Variants in TMEM131L observed in about 807,000 individuals in gnomAD.
TMEM131L encodes transmembrane protein 131-like.
In TMEM131L, 54 loss-of-function variants were observed where a neutral mutation model predicts 192.2. That is an observed-to-expected ratio of 0.28 (90% CI 0.23 to 0.35). The LOEUF (loss-of-function observed/expected upper bound fraction) is 0.35. TMEM131L is among the 10% of genes least tolerant of loss of function. TMEM131L has a pLI of 1.00. For synonymous variants in TMEM131L, 701 were observed against 704.9 expected, an observed-to-expected ratio of 0.99 and a Z score of 0.09; for missense variants, 1,888 against 1,972.9, an observed-to-expected ratio of 0.96 and a Z score of 0.82.
intron 27 of TMEM131L, 33 bp from the exon 28 acceptor site, chr4:153,621,650 A>T (rs1181449419): frequency 6.2e-6 from 10 of 1,608,204 alleles, no homozygotes; most frequent in Non-Finnish European, 7.7e-6. Context: ...TAAAATACAG[A>T]TGTGTTTTTT....
At chr4:153,547,107 C>T (rs887081007) in intron 3 of TMEM131L, among the ~76,000 whole-genome samples, 2 of 151,992 alleles carry the variant, frequency 1.3e-5, no homozygotes, top group African/African-American at 2.4e-5. Context: ...TGAAATCAGC[C>T]AATGAGAAAA....
At position 153,592,600 on chromosome 4, in the gene TMEM131L, T is replaced by A; in HGVS notation, c.1922+16T>A. The A allele has an allele frequency of 6.5e-7, 1 of 1,532,718 alleles. No homozygotes were observed. Among genetic ancestry groups the A allele is most frequent in the Non-Finnish European group, 9.0e-7 (1 of 1,105,644 alleles). 94.9% of individuals were successfully genotyped at this position (1,532,718 alleles called of 1,614,324 possible). A position where few individuals can be genotyped will look rare whatever the true frequency, so the allele number is the denominator to read the frequency against. On this transcript the variant is annotated intron_variant, in intron 18 of 34. Transcript: ENST00000409959. ...TCCACAGATGGTATGAAGACTTTTT[T>A]TCTGAGAGGCAGTTTGGGAAGTACT...
At chr4:153,472,086 ATAAC>A (rs1188350992) in intron 2 of TMEM131L, among the ~76,000 whole-genome samples, 1 of 152,176 alleles carries the variant, frequency 6.6e-6, no homozygotes, top group Non-Finnish European at 1.5e-5. Context: ...TTAAAAAAAA[ATAAC>A]TAACATGGGT....
chr4:153,634,022 C>T (rs904185128), intron 32 of TMEM131L, among the ~76,000 whole-genome samples, 170 bp from the exon 33 acceptor site: 6 of 152,196 alleles, frequency 3.9e-5, no homozygotes, highest in African/African-American at 9.7e-5. Context: ...CACTAGTGAT[C>T]AGCATTTAGT....
Position 153,586,397 on chromosome 4 carries a change from A to G in TMEM131L, c.1482+18A>G, listed in dbSNP as rs777658796. ...CAACCAAGGTATTTTCTACAATACT[A>G]TATGTGTGTTACAGTTTTCTTAATT... On this transcript the variant is annotated intron_variant, in intron 14 of 34. Transcript: ENST00000409959. The G allele has an allele frequency of 1.8e-5, 28 of 1,547,646 alleles. No individual in the cohort carries two copies. Among genetic ancestry groups the G allele is most frequent in the Admixed American group, 6.2e-5 (3 of 48,180 alleles).
chr4:153,635,081 C>G (rs1230303647), intron 33 of TMEM131L, among the ~76,000 whole-genome samples: 2 of 152,098 alleles, frequency 1.3e-5, no homozygotes, highest in African/African-American at 4.8e-5. Context: ...GTTGGCATGA[C>G]AGGTAATAAA....
chr4:153,527,290 G>A (rs983539788), intron 3 of TMEM131L, among the ~76,000 whole-genome samples: 1 of 151,354 alleles, frequency 6.6e-6, no homozygotes. Flanking sequence ...GTGGGGGGGC[G>A]GTGATGAGGT....
intron 7 of TMEM131L, among the ~76,000 whole-genome samples, chr4:153,574,600 G>T (rs561214327): frequency 6.6e-6 from 1 of 152,266 alleles, no homozygotes; most frequent in African/African-American, 2.4e-5. Flanking sequence ...TGGCATAAGA[G>T]ATTTACTTTT....
At chr4:153,476,838 T>C (rs971879848) in intron 3 of TMEM131L, among the ~76,000 whole-genome samples, 3 of 152,218 alleles carry the variant, frequency 2.0e-5, no homozygotes, top group South Asian at 2.1e-4. Flanking sequence ...ATGGTAGATA[T>C]CATTTCAGTG....
At chr4:153,601,075 A>C (rs1427392149) in intron 21 of TMEM131L, among the ~76,000 whole-genome samples, 2 of 149,404 alleles carry the variant, frequency 1.3e-5, no homozygotes, top group East Asian at 3.9e-4. Context: ...GTATCACTGC[A>C]CTCCAGCCTG....
At chr4:153,604,493 T>G in intron 25 of TMEM131L, 63 bp downstream of exon 25, 4 of 1,463,174 alleles carry the variant, frequency 2.7e-6, no homozygotes, top group Non-Finnish European at 3.7e-6. Flanking sequence ...TTTAATGGAA[T>G]TGTTCTCACC....
In TMEM131L at chr4:153,557,082, T is replaced by C. The variant is rs771622536; in HGVS notation, c.549T>C (p.His183=). The C allele has an allele frequency of 7.5e-7, 1 of 1,335,262 alleles. No individual in the cohort carries two copies. The allele number at this position is 1,335,262 out of a possible 1,614,324, so 82.7% of individuals were successfully genotyped here. ...CTTCGTATGGAGTCCTTTCCTATCA[T>C]GTGAGTAACTTTTTCCTTTTGTCAC... ...NTSSYGVLSY[H]VSGIGTRRIS... The change falls in exon 6 of 35, where the codon CAT becomes CAC. Residue 183 remains histidine (H), a splice_region_variant and synonymous_variant. Coordinates refer to ENST00000409959, the MANE Select transcript of TMEM131L (RefSeq NM_001131007.2).
chr4:153,510,496 G>T (rs537990983), intron 3 of TMEM131L, among the ~76,000 whole-genome samples: 1 of 152,062 alleles, frequency 6.6e-6, no homozygotes, highest in Non-Finnish European at 1.5e-5. Flanking sequence ...CCAAGTAGGG[G>T]GATAATTAAA....
intron 21 of TMEM131L, 136 bp from the exon 22 acceptor site, chr4:153,602,016 C>T (rs1322573488): frequency 3.8e-6 from 2 of 527,486 alleles, no homozygotes; most frequent in Non-Finnish European, 6.5e-6. Context: ...ATTCTTTGAG[C>T]TTATGTTGGA....
rs750674916 is a variant in TMEM131L at position 153,604,465 on chromosome 4, G to A, written c.3418+35G>A. On this transcript the variant is annotated intron_variant, in intron 25 of 34. Coordinates refer to ENST00000409959, the MANE Select transcript of TMEM131L (RefSeq NM_001131007.2). ...TCATCCCCTTTGATAATTCTCTCCT[G>A]TTTGTACCCAGTCTGTTTTTAATGG... 3.9e-6 allele frequency: 6 copies of A among 1,546,594 alleles called. No homozygotes were observed. In the South Asian group the frequency reaches 7.5e-5, roughly 19 times the overall value.
intron 7 of TMEM131L, among the ~76,000 whole-genome samples, chr4:153,577,980 G>C (rs1730071366): frequency 6.6e-6 from 1 of 152,208 alleles, no homozygotes; most frequent in Admixed American, 6.5e-5. Flanking sequence ...CCCTGGGAGA[G>C]AGTGAAGAGG....
intron 3 of TMEM131L, among the ~76,000 whole-genome samples, chr4:153,533,886 G>A (rs141896815): frequency 1.7e-3 from 257 of 152,258 alleles, no homozygotes; most frequent in African/African-American, 6.0e-3. Context: ...GAATAGACCC[G>A]ATATATTTTT....
chr4:153,611,703 C>T (rs1479489799), intron 25 of TMEM131L, among the ~76,000 whole-genome samples: 3 of 152,188 alleles, frequency 2.0e-5, no homozygotes, highest in Non-Finnish European at 4.4e-5. Flanking sequence ...TACTCTAGCT[C>T]CCTCATGGGT....
intron 3 of TMEM131L, among the ~76,000 whole-genome samples, chr4:153,537,140 C>G (rs1477481329): frequency 6.6e-6 from 1 of 152,192 alleles, no homozygotes; most frequent in Non-Finnish European, 1.5e-5. Flanking sequence ...AGTTGATACT[C>G]AGTATTAACC....
Sources: gnomAD v4.1 joint callset for allele counts (sites outside exome capture counted in the v4.1 genomes callset) on GRCh38, gnomAD v4.1.1 for gene constraint, MANE v1.5 for transcripts, NCBI Gene and HGNC (gene_info 2026-07-23, HGNC 2026-07-21) for gene names.